The following RAI2 variants were observed in gnomAD, a reference collection of about 807,000 sequenced individuals.
The protein encoded by RAI2 is retinoic acid induced 2.
In RAI2, 5 loss-of-function variants were observed where a neutral mutation model predicts 15.3. The observed-to-expected ratio is 0.33, with a 90% CI of 0.17 to 0.69. The LOEUF is 0.69. RAI2 is among the 30% of genes least tolerant of loss of function. RAI2 has a pLI of 0.69. For missense variants in RAI2, 424 were observed against 424.7 expected (o/e 1.00, Z 0.01); for synonymous variants, 191 against 184.0 (o/e 1.04, Z -0.31).
At chrX:17,829,638 T>C (rs1287998588) in intron 1 of RAI2, among the ~76,000 whole-genome samples, 1 of 112,745 alleles carries the variant, frequency 8.9e-6, no homozygotes, top group Non-Finnish European at 1.9e-5. Flanking sequence ...TGTTTGAGGC[T>C]GCATTTGCTT....
At chrX:17,842,520 C>A (rs902528268) in intron 1 of RAI2, among the ~76,000 whole-genome samples, 2 of 110,784 alleles carry the variant, frequency 1.8e-5, no homozygotes, top group Admixed American at 9.6e-5. Flanking sequence ...AAAACAGGTA[C>A]CTTTTCATTT....
chrX:17,817,577 T>G (rs905637936), intron 1 of RAI2, among the ~76,000 whole-genome samples: 1 of 112,341 alleles, frequency 8.9e-6, no homozygotes, highest in African/African-American at 3.2e-5. Context: ...TTCAGCAGCT[T>G]CACTCCCTGG....
At chrX:17,834,492 C>T (rs950428139) in intron 1 of RAI2, among the ~76,000 whole-genome samples, 6 of 109,374 alleles carry the variant, frequency 5.5e-5, no homozygotes, top group African/African-American at 2.0e-4. Context: ...AGACAGCAAG[C>T]GAGATACACA....
chrX:17,837,403 T>C (rs1304022012), intron 1 of RAI2: 1 of 111,821 alleles, frequency 8.9e-6, no homozygotes, highest in African/African-American at 3.3e-5. Context: ...TCCCTAAAAG[T>C]AAATTGGGTA....
At chrX:17,841,503 C>T (rs978293682) in intron 1 of RAI2, among the ~76,000 whole-genome samples, 3 of 112,652 alleles carry the variant, frequency 2.7e-5, no homozygotes, top group Non-Finnish European at 3.7e-5. Flanking sequence ...GCTTACATCA[C>T]AGGTTCAGAA....
chrX:17,852,573 C>T (rs2067549322), intron 1 of RAI2, among the ~76,000 whole-genome samples: 1 of 111,708 alleles, frequency 9.0e-6, no homozygotes, highest in African/African-American at 3.3e-5. Flanking sequence ...CCCAAACACC[C>T]ATTCCATTTC....
intron 1 of RAI2, among the ~76,000 whole-genome samples, chrX:17,827,465 T>C (rs1166579945): frequency 2.7e-5 from 3 of 112,411 alleles, no homozygotes; most frequent in Non-Finnish European, 5.6e-5. Context: ...GTATACACAG[T>C]GCCAGGTACT....
rs759030654 is a variant in RAI2, at chrX:17,842,455, TAGA to T, written c.-25+18640_-25+18642del. Among the ~76,000 whole-genome samples the T allele has an allele frequency of 5.0e-3, 559 of 111,335 alleles. 4 individuals carry two copies. Among genetic ancestry groups the T allele is most frequent in the African/African-American group, 0.017 (529 of 30,596 alleles). On this transcript the variant is annotated intron_variant, in intron 1 of 1. Transcript: ENST00000451717. Reference sequence around the variant, plus strand: ...CATGCTTGGGGGATATGACAGTCAGTAGAAGAAGAGAAATAAATATGCTAAAAA... The same window carrying T: ...CATGCTTGGGGGATATGACAGTCAGTAGAAGAGAAATAAATATGCTAAAAA...
chrX:17,806,021 G>T (rs1480194346), intron 1 of RAI2, among the ~76,000 whole-genome samples: 1 of 112,399 alleles, frequency 8.9e-6, no homozygotes, highest in Non-Finnish European at 1.9e-5. Context: ...AGCAGCTGAG[G>T]TGGTCTGGGT....
intron 1 of RAI2, among the ~76,000 whole-genome samples, chrX:17,846,754 A>C (rs955327307): frequency 7.2e-5 from 8 of 111,538 alleles, no homozygotes; most frequent in Non-Finnish European, 1.5e-4. Context: ...CTGACCCACC[A>C]GGGGGCCCAA....
intron 1 of RAI2, among the ~76,000 whole-genome samples, chrX:17,803,968 T>C (rs1179606115): frequency 1.8e-5 from 2 of 109,259 alleles, no homozygotes; most frequent in African/African-American, 6.7e-5. Context: ...TTCTTTCTTT[T>C]TTTTTTTGTG....
chrX:17,849,788 C>G (rs1238188065), intron 1 of RAI2, among the ~76,000 whole-genome samples: 1 of 112,734 alleles, frequency 8.9e-6, no homozygotes, highest in African/African-American at 3.2e-5. Context: ...GCTGGCAGGC[C>G]AGAAAGGTGG....
At chrX:17,830,833 C>G (rs1479138889) in intron 1 of RAI2, among the ~76,000 whole-genome samples, 1 of 111,787 alleles carries the variant, frequency 8.9e-6, no homozygotes, top group Non-Finnish European at 1.9e-5. Flanking sequence ...GTACTCAGAA[C>G]AGGTAAGTTG....
At chrX:17,858,256 C>T (rs1345141537) in intron 1 of RAI2, among the ~76,000 whole-genome samples, 1 of 111,823 alleles carries the variant, frequency 8.9e-6, no homozygotes, top group Admixed American at 9.4e-5. Flanking sequence ...AAATCAGATA[C>T]ACAACTGGAA....
intron 1 of RAI2, among the ~76,000 whole-genome samples, chrX:17,860,251 G>A (rs1191395649): frequency 1.8e-5 from 2 of 112,456 alleles, no homozygotes; most frequent in East Asian, 5.6e-4. Flanking sequence ...CCACCCAGGC[G>A]GAGCTTATCC....
intron 1 of RAI2, among the ~76,000 whole-genome samples, chrX:17,821,541 T>G (rs2067164469): frequency 9.3e-6 from 1 of 107,141 alleles, no homozygotes. Context: ...TCTAAGGAGG[T>G]GTGTGTGTGT....
chrX:17,814,598 T>C (rs1202944481), intron 1 of RAI2, among the ~76,000 whole-genome samples: 3 of 108,932 alleles, frequency 2.8e-5, no homozygotes, highest in Non-Finnish European at 5.7e-5. Flanking sequence ...AGACACTCCT[T>C]TATAATAACA....
intron 1 of RAI2, among the ~76,000 whole-genome samples, chrX:17,851,557 C>A (rs1404454386): frequency 8.9e-6 from 1 of 111,919 alleles, no homozygotes; most frequent in African/African-American, 3.3e-5. Flanking sequence ...TTATAAAATG[C>A]AATAGGAAAT....
chrX:17,852,412 C>T (rs1569358350), intron 1 of RAI2, among the ~76,000 whole-genome samples: 1 of 111,941 alleles, frequency 8.9e-6, no homozygotes, highest in Non-Finnish European at 1.9e-5. Flanking sequence ...AATGAAGTGG[C>T]CTATGTTGAC....
Sources: allele counts gnomAD v4.1 joint callset (sites outside exome capture counted in the v4.1 genomes callset), GRCh38; gene constraint gnomAD v4.1.1; transcripts MANE v1.5; gene names NCBI Gene and HGNC (gene_info 2026-07-23, HGNC 2026-07-21).